The following PAPPA variants were observed in gnomAD, a reference collection of about 807,000 sequenced individuals.
PAPPA encodes pappalysin-1.
In PAPPA, 60 loss-of-function variants were observed where a neutral mutation model predicts 164.0. The ratio of observed to expected loss-of-function variants is 0.37; its 90% CI spans 0.30 to 0.45. The LOEUF is 0.45. Among genes scored for constraint, PAPPA ranks in the 20% least tolerant of loss-of-function variants. The pLI is 1.00. For synonymous variants in PAPPA, 875 were observed against 814.1 expected (o/e 1.07, Z -1.27); for missense variants, 1,782 against 2,087.3 (o/e 0.85, Z 2.85).
At chr9:116,249,995 A>G (rs1262969135) in intron 7 of PAPPA, among the ~76,000 whole-genome samples, 1 of 150,352 alleles carries the variant, frequency 6.7e-6, no homozygotes, top group African/African-American at 2.4e-5. Flanking sequence ...ATGTACATGC[A>G]TGCATGAGTA....
intron 10 of PAPPA, among the ~76,000 whole-genome samples, chr9:116,326,556 A>C (rs1253842681): frequency 2.0e-5 from 3 of 152,220 alleles, no homozygotes; most frequent in African/African-American, 7.2e-5. Context: ...TAGTCATTCA[A>C]AGTAATAATT....
At chr9:116,268,857 G>T (rs922582371) in intron 8 of PAPPA, among the ~76,000 whole-genome samples, 2 of 119,166 alleles carry the variant, frequency 1.7e-5, no homozygotes, top group Non-Finnish European at 3.3e-5. Context: ...GGGGGGGTAG[G>T]GGGGAAGGAA....
intron 7 of PAPPA, among the ~76,000 whole-genome samples, chr9:116,238,372 A>C (rs1320977162): frequency 6.6e-6 from 1 of 152,192 alleles, no homozygotes; most frequent in Non-Finnish European, 1.5e-5. Flanking sequence ...GTTAAAGTTT[A>C]ATAGCCACTG....
At chr9:116,263,681 G>A (rs1845030005) in intron 7 of PAPPA, among the ~76,000 whole-genome samples, 1 of 152,234 alleles carries the variant, frequency 6.6e-6, no homozygotes, top group African/African-American at 2.4e-5. Flanking sequence ...GGCTCAGAAA[G>A]GTAAAACACC....
At chr9:116,167,264 C>T (rs1843728737) in intron 1 of PAPPA, among the ~76,000 whole-genome samples, 2 of 152,166 alleles carry the variant, frequency 1.3e-5, no homozygotes, top group South Asian at 4.1e-4. Context: ...GAATAACCCA[C>T]ACACATCCTC....
chr9:116,300,239 T>C (rs1845563006), intron 9 of PAPPA, among the ~76,000 whole-genome samples: 1 of 150,380 alleles, frequency 6.6e-6, no homozygotes, highest in Non-Finnish European at 1.5e-5. Context: ...CATTCTTTCT[T>C]TCTTTTCTCT....
chr9:116,278,688 A>C (rs1845231309), intron 9 of PAPPA, among the ~76,000 whole-genome samples: 1 of 151,994 alleles, frequency 6.6e-6, no homozygotes, highest in African/African-American at 2.4e-5. Flanking sequence ...TTTGGCACTT[A>C]ATAAAGTTGT....
At chr9:116,182,550 G>A (rs1161088613) in intron 1 of PAPPA, among the ~76,000 whole-genome samples, 5 of 152,174 alleles carry the variant, frequency 3.3e-5, no homozygotes, top group Non-Finnish European at 7.3e-5. Flanking sequence ...TATTTACCAT[G>A]ATGATCTTTA....
intron 1 of PAPPA, among the ~76,000 whole-genome samples, chr9:116,175,974 A>C (rs1349753449): frequency 1.3e-5 from 2 of 152,236 alleles, no homozygotes; most frequent in Non-Finnish European, 2.9e-5. Context: ...AAACAGCCCA[A>C]GTGTCCTGTG....
chr9:116,186,946 C>T (rs147305950), intron 1 of PAPPA, among the ~76,000 whole-genome samples: 100 of 152,242 alleles, frequency 6.6e-4, no homozygotes, highest in African/African-American at 2.3e-3. Flanking sequence ...CCAAACCCAA[C>T]TTACTCATTC....
chr9:116,236,874 G>A (rs947744687), intron 7 of PAPPA, among the ~76,000 whole-genome samples: 1 of 152,314 alleles, frequency 6.6e-6, no homozygotes, highest in East Asian at 1.9e-4. Context: ...TGAAGGTAAG[G>A]ATTGGAATTT....
intron 9 of PAPPA, among the ~76,000 whole-genome samples, chr9:116,285,129 C>CTTTTTCT (rs201987126): frequency 0.025 from 3,618 of 143,548 alleles, 58 homozygotes; most frequent in Non-Finnish European, 0.036. Context: ...CTTTTCTTTT[C>CTTTTTCT]TTTTTCTTTT....
intron 8 of PAPPA, among the ~76,000 whole-genome samples, chr9:116,268,981 G>A (rs1013958954): frequency 1.3e-5 from 2 of 152,152 alleles, no homozygotes; most frequent in Non-Finnish European, 2.9e-5. Context: ...GATAGACTCA[G>A]CACTCAGTGA....
intron 7 of PAPPA, among the ~76,000 whole-genome samples, chr9:116,248,064 G>A (rs1235614219): frequency 1.3e-5 from 2 of 152,170 alleles, no homozygotes; most frequent in African/African-American, 4.8e-5. Flanking sequence ...CACTACGCTT[G>A]TTCTTGGCCA....
chr9:116,368,634 C>T (rs1288134987), intron 19 of PAPPA, among the ~76,000 whole-genome samples: 1 of 152,220 alleles, frequency 6.6e-6, no homozygotes, highest in East Asian at 1.9e-4. Context: ...CAGGACATCG[C>T]AGGTCCCAGG....
intron 7 of PAPPA, among the ~76,000 whole-genome samples, chr9:116,257,396 C>T (rs549472982): frequency 6.6e-6 from 1 of 152,034 alleles, no homozygotes; most frequent in East Asian, 2.0e-4. Context: ...CCTAGCGCAG[C>T]TGGACAAAAA....
At chr9:116,384,879 CG>C (rs1257189927) in intron 21 of PAPPA, among the ~76,000 whole-genome samples, 1 of 152,126 alleles carries the variant, frequency 6.6e-6, no homozygotes, top group Non-Finnish European at 1.5e-5. Flanking sequence ...CTGACACCAA[CG>C]GTTGGAGAAA....
At chr9:116,259,493 C>A (rs961827629) in intron 7 of PAPPA, among the ~76,000 whole-genome samples, 3 of 151,998 alleles carry the variant, frequency 2.0e-5, no homozygotes, top group Non-Finnish European at 4.4e-5. Flanking sequence ...AAAAGATGAA[C>A]AAACAATATG....
At chr9:116,289,983 A>T (rs1845416523) in intron 9 of PAPPA, among the ~76,000 whole-genome samples, 1 of 152,242 alleles carries the variant, frequency 6.6e-6, no homozygotes, top group Non-Finnish European at 1.5e-5. Flanking sequence ...AAAATTAGAA[A>T]AGCCATTTGA....
Sources: gnomAD v4.1 joint callset for allele counts (sites outside exome capture counted in the v4.1 genomes callset) on GRCh38, gnomAD v4.1.1 for gene constraint, MANE v1.5 for transcripts, NCBI Gene and HGNC (gene_info 2026-07-23, HGNC 2026-07-21) for gene names.